The following TRIM33 variants were observed in gnomAD, a reference collection of about 807,000 sequenced individuals.
TRIM33 encodes E3 ubiquitin-protein ligase TRIM33.
A neutral mutation model predicts 125.4 loss-of-function variants in TRIM33; 20 were observed. The ratio of observed to expected loss-of-function variants is 0.16; its 90% CI spans 0.11 to 0.23. The LOEUF (loss-of-function observed/expected upper bound fraction) is 0.23. TRIM33 is among the 10% of genes least tolerant of loss of function. The pLI, the probability that TRIM33 is intolerant of heterozygous loss-of-function variation, is 1.00. For missense variants in TRIM33, 920 were observed against 1,411.4 expected, an observed-to-expected ratio of 0.65 and a Z score of 5.58; for synonymous variants, 564 against 513.9, an observed-to-expected ratio of 1.10 and a Z score of -1.32.
At chr1:114,486,869 T>C (rs1356784867) in intron 1 of TRIM33, among the ~76,000 whole-genome samples, 1 of 151,858 alleles carries the variant, frequency 6.6e-6, no homozygotes, top group Non-Finnish European at 1.5e-5. Context: ...GGTGGATCAC[T>C]TGAGGTCAGG....
intron 4 of TRIM33, among the ~76,000 whole-genome samples, chr1:114,457,391 T>C (rs1649688769): frequency 6.6e-6 from 1 of 152,194 alleles, no homozygotes; most frequent in Non-Finnish European, 1.5e-5. Context: ...TAGTACAATG[T>C]ACAACACTGT....
Position 114,474,548 on chromosome 1 carries a change from T to C in TRIM33, c.527-10160A>G, listed in dbSNP as rs184979196. On this transcript the variant is annotated intron_variant, in intron 1 of 19. Transcript: ENST00000358465. ...AGGATCATGCCACTCTACCGTAGCC[T>C]GGGTGACTGAGCAAGACCTTGTCTC... Among the ~76,000 whole-genome samples, 1,209 of 130,086 alleles carry C rather than the reference T, an allele frequency of 9.3e-3. 4 individuals are homozygous for C. The highest frequency in any genetic ancestry group is 0.014 in the Non-Finnish European group (868 of 64,098). 85.3% of individuals were successfully genotyped at this position (130,086 alleles called of 152,430 possible).
At chr1:114,403,374 A>G (rs2101089587) in intron 15 of TRIM33, among the ~76,000 whole-genome samples, 1 of 152,226 alleles carries the variant, frequency 6.6e-6, no homozygotes, top group African/African-American at 2.4e-5. Context: ...ACATGTATAT[A>G]TACCTCCTTT....
chr1:114,430,253 T>C (rs2101181978), intron 6 of TRIM33, among the ~76,000 whole-genome samples: 1 of 152,104 alleles, frequency 6.6e-6, no homozygotes, highest in South Asian at 2.1e-4. Flanking sequence ...CTTTTTCTGT[T>C]TTTCATTTTG....
chr1:114,425,390 A>G, intron 9 of TRIM33, 59 bp downstream of exon 9: 1 of 1,570,864 alleles, frequency 6.4e-7, no homozygotes, highest in Non-Finnish European at 8.6e-7. Context: ...TATATAGGAA[A>G]AAGTGTAGTG....
chr1:114,433,472 A>C, intron 5 of TRIM33, 145 bp downstream of exon 5: 1 of 542,646 alleles, frequency 1.8e-6, no homozygotes, highest in Non-Finnish European at 3.2e-6. Flanking sequence ...TTTAATTGAC[A>C]AATATTATAA....
intron 4 of TRIM33, chr1:114,460,057 T>C (rs987691944): frequency 1.2e-4 from 20 of 164,732 alleles, no homozygotes; most frequent in African/African-American, 4.5e-4. Context: ...AAGACAGAAG[T>C]ACAACGTTCA....
At chr1:114,404,099 A>G (rs939551335) in intron 15 of TRIM33, among the ~76,000 whole-genome samples, 8 of 152,210 alleles carry the variant, frequency 5.3e-5, no homozygotes, top group African/African-American at 1.4e-4. Flanking sequence ...AGATATATAC[A>G]TAGATCCTAA....
At chr1:114,447,564 A>G (rs11102793) in intron 4 of TRIM33, among the ~76,000 whole-genome samples, 154 of 152,364 alleles carry the variant, frequency 1.0e-3, no homozygotes, top group African/African-American at 3.5e-3. Flanking sequence ...TTCAGGAATA[A>G]ACAATGAGCT....
chr1:114,406,430 T>TG (rs371974956), intron 14 of TRIM33, among the ~76,000 whole-genome samples: 16 of 152,336 alleles, frequency 1.1e-4, no homozygotes, highest in African/African-American at 3.8e-4. Context: ...AAGAGGGGCT[T>TG]GGCCTTCCTT....
chr1:114,480,902 T>C (rs940355339), intron 1 of TRIM33, among the ~76,000 whole-genome samples: 1 of 152,172 alleles, frequency 6.6e-6, no homozygotes, highest in South Asian at 2.1e-4. Context: ...ATGAAAGCTG[T>C]TGCCATAAGA....
chr1:114,459,073 T>C (rs377516477), intron 4 of TRIM33, among the ~76,000 whole-genome samples: 23 of 152,322 alleles, frequency 1.5e-4, no homozygotes, highest in African/African-American at 4.1e-4. Context: ...TCCCTATTCC[T>C]GGCATACAAT....
rs1192572463 is a variant in TRIM33 at position 114,511,148 on chromosome 1, G to A, written c.-72C>T. ...CGCGTCGCCGCCGCCGCCGCCCCCA[G>A]CCCCAGCCGCAGCCGCAGCAAGAGC... On this transcript the variant is annotated 5_prime_UTR_variant, in exon 1 of 20. Transcript: ENST00000358465. 5 of 1,049,866 alleles carry A rather than the reference G, an allele frequency of 4.8e-6. No individual in the cohort carries two copies. Among genetic ancestry groups the A allele is most frequent in the Non-Finnish European group, 5.8e-6 (5 of 868,594 alleles). 65.0% of individuals were successfully genotyped at this position (1,049,866 alleles called of 1,614,324 possible). A position where few individuals can be genotyped will look rare whatever the true frequency, so the allele number is the denominator to read the frequency against.
At chr1:114,485,109 G>C (rs977753429) in intron 1 of TRIM33, among the ~76,000 whole-genome samples, 1 of 151,946 alleles carries the variant, frequency 6.6e-6, no homozygotes, top group East Asian at 1.9e-4. Context: ...ACTCCCAAGA[G>C]CAGAGATAAT....
intron 10 of TRIM33, 84 bp downstream of exon 10, chr1:114,424,507 A>C: frequency 7.9e-7 from 1 of 1,266,142 alleles, no homozygotes; most frequent in Non-Finnish European, 1.1e-6. Flanking sequence ...CACATCAATG[A>C]CCTGCTCCCA....
At chr1:114,447,004 T>C (rs1397229046) in intron 4 of TRIM33, among the ~76,000 whole-genome samples, 2 of 152,110 alleles carry the variant, frequency 1.3e-5, no homozygotes, top group Non-Finnish European at 2.9e-5. Context: ...AGAAAGCCAG[T>C]GTAGCTGTAG....
intron 6 of TRIM33, among the ~76,000 whole-genome samples, chr1:114,429,263 C>T (rs550857733): frequency 6.6e-6 from 1 of 152,114 alleles, no homozygotes; most frequent in South Asian, 2.1e-4. Context: ...TCTTGCCTCA[C>T]CGCAACCTCC....
intron 1 of TRIM33, among the ~76,000 whole-genome samples, chr1:114,480,579 T>A (rs1570634730): frequency 1.1e-5 from 1 of 92,778 alleles, no homozygotes; most frequent in Admixed American, 1.0e-4. Flanking sequence ...AAACAAAAAC[T>A]AAAAGAAAAT....
At chr1:114,470,385 G>C (rs953717307) in intron 1 of TRIM33, among the ~76,000 whole-genome samples, 2 of 152,054 alleles carry the variant, frequency 1.3e-5, no homozygotes, top group Admixed American at 6.6e-5. Context: ...GGTGACCTGT[G>C]AGTTCTGATC....
Sources: allele counts gnomAD v4.1 joint callset (sites outside exome capture counted in the v4.1 genomes callset), GRCh38; gene constraint gnomAD v4.1.1; transcripts MANE v1.5; gene names NCBI Gene and HGNC (gene_info 2026-07-23, HGNC 2026-07-21).